Variants in SPSB4 observed in about 807,000 individuals in gnomAD.
The protein encoded by SPSB4 is SPRY domain-containing SOCS box protein 4.
In SPSB4, 21 loss-of-function variants were observed where a neutral mutation model predicts 20.9. The observed-to-expected ratio is 1.01, with a 90% CI of 0.71 to 1.45. SPSB4 has a LOEUF of 1.45. Ranked by LOEUF, SPSB4 falls within the 40% of genes most tolerant of loss-of-function variation. The pLI is 0.00. For synonymous variants in SPSB4, 207 were observed against 183.8 expected, an observed-to-expected ratio of 1.13 and a Z score of -1.02; for missense variants, 399 against 399.2, an observed-to-expected ratio of 1.00 and a Z score of 0.00.
At chr3:141,123,315 G>A (rs979405435) in intron 2 of SPSB4, among the ~76,000 whole-genome samples, 1 of 152,206 alleles carries the variant, frequency 6.6e-6, no homozygotes, top group African/African-American at 2.4e-5. Context: ...TGCCCCTTGT[G>A]TTGTCTCCGC....
At chr3:141,055,892 T>C (rs1937629610) in intron 1 of SPSB4, among the ~76,000 whole-genome samples, 1 of 152,202 alleles carries the variant, frequency 6.6e-6, no homozygotes, top group Non-Finnish European at 1.5e-5. Flanking sequence ...CAGGCAGGGC[T>C]GACCAGGGGC....
In SPSB4 at chr3:141,147,396, C is replaced by A. The variant is rs1325369314; in HGVS notation, c.*127C>A. 7.5e-6 allele frequency: 11 copies of A among 1,470,352 alleles called. No individual in the cohort carries two copies. The highest frequency in any genetic ancestry group is 2.0e-5 in the Admixed American group (1 of 49,776). 91.1% of individuals were successfully genotyped at this position (1,470,352 alleles called of 1,614,324 possible). A position where few individuals can be genotyped will look rare whatever the true frequency, so the allele number is the denominator to read the frequency against. ...TCCTGGCTCCCCAGGACACTCAGTTCTTTCAAAGACCAGGATGTGGTACCA... is the reference window on the plus strand; with the variant it reads ...TCCTGGCTCCCCAGGACACTCAGTTATTTCAAAGACCAGGATGTGGTACCA... On this transcript the variant is annotated 3_prime_UTR_variant, in exon 3 of 3. Coordinates refer to ENST00000310546, the MANE Select transcript of SPSB4 (RefSeq NM_080862.3).
rs1238721470 is a variant in SPSB4 at position 141,148,475 on chromosome 3, GA to G, written c.*1209del. On this transcript the variant is annotated 3_prime_UTR_variant, in exon 3 of 3. Coordinates refer to ENST00000310546, the MANE Select transcript of SPSB4 (RefSeq NM_080862.3). The surrounding 1 kb of genome is among the most constrained non-coding windows in gnomAD (Gnocchi z 4.5). ...CTCTGCCCAGACTCATTTTTAACTGGAAATCATCACAGCAGTGGGATATCAG... is the reference window on the plus strand; with the variant it reads ...CTCTGCCCAGACTCATTTTTAACTGGAATCATCACAGCAGTGGGATATCAG... 1.3e-5 allele frequency: 2 copies of G among 152,666 alleles called. No homozygotes were observed. The highest frequency in any genetic ancestry group is 2.4e-5 in the African/African-American group (1 of 41,420). 9.5% of individuals were successfully genotyped at this position (152,666 alleles called of 1,614,324 possible).
intron 1 of SPSB4, among the ~76,000 whole-genome samples, chr3:141,055,517 G>A (rs980858579): frequency 6.6e-6 from 1 of 152,138 alleles, no homozygotes; most frequent in African/African-American, 2.4e-5. Flanking sequence ...TGAAGAGATT[G>A]GTGGGTGTCT....
intron 2 of SPSB4, among the ~76,000 whole-genome samples, chr3:141,118,294 T>A (rs879858430): frequency 1.3e-5 from 2 of 152,244 alleles, no homozygotes; most frequent in Non-Finnish European, 2.9e-5. Context: ...AATGTCTTCT[T>A]TGGAGAAGTG....
At chr3:141,060,668 G>T (rs141167308) in intron 1 of SPSB4, among the ~76,000 whole-genome samples, 1 of 152,338 alleles carries the variant, frequency 6.6e-6, no homozygotes, top group African/African-American at 2.4e-5. Context: ...CAAAGGGTCT[G>T]TATATTTGCA....
intron 2 of SPSB4, among the ~76,000 whole-genome samples, chr3:141,087,330 C>T (rs887481136): frequency 4.6e-5 from 7 of 152,106 alleles, no homozygotes; most frequent in African/African-American, 1.7e-4. Flanking sequence ...GACAGTCTGA[C>T]GGAGCATGAT....
chr3:141,126,572 G>GT (rs1440163008), intron 2 of SPSB4, among the ~76,000 whole-genome samples: 4 of 152,322 alleles, frequency 2.6e-5, no homozygotes, highest in Admixed American at 2.6e-4. Context: ...TCTGCCCATT[G>GT]TATCAACCCC....
At chr3:141,069,467 G>C (rs1003153037) in intron 2 of SPSB4, among the ~76,000 whole-genome samples, 1 of 152,154 alleles carries the variant, frequency 6.6e-6, no homozygotes, top group Non-Finnish European at 1.5e-5. Flanking sequence ...AGTTAATGTC[G>C]GTTGTGGACA....
chr3:141,096,092 G>A (rs1039471058), intron 2 of SPSB4, among the ~76,000 whole-genome samples: 3 of 152,140 alleles, frequency 2.0e-5, no homozygotes, highest in African/African-American at 7.2e-5. Flanking sequence ...GTGGGGAAGA[G>A]CAGAGGTAGG....
intron 2 of SPSB4, among the ~76,000 whole-genome samples, chr3:141,083,157 G>A (rs535152958): frequency 9.8e-5 from 15 of 152,350 alleles, no homozygotes; most frequent in African/African-American, 3.4e-4. Flanking sequence ...GTTTTGCTGA[G>A]CTGTGTGACC....
chr3:141,121,720 T>G (rs1938969936), intron 2 of SPSB4, among the ~76,000 whole-genome samples: 1 of 152,234 alleles, frequency 6.6e-6, no homozygotes. Context: ...TTGAAGCTTG[T>G]GCATGTGTCA....
intron 2 of SPSB4, among the ~76,000 whole-genome samples, chr3:141,090,832 A>G (rs964771585): frequency 2.0e-5 from 3 of 152,216 alleles, no homozygotes; most frequent in African/African-American, 7.2e-5. Context: ...AGAAGTAAGG[A>G]GGCCAGCTAG....
At chr3:141,104,473 G>A (rs947762802) in intron 2 of SPSB4, among the ~76,000 whole-genome samples, 2 of 152,202 alleles carry the variant, frequency 1.3e-5, no homozygotes, top group African/African-American at 2.4e-5. Flanking sequence ...GCTTCTTTGA[G>A]GGCCTCCCAG....
At chr3:141,130,191 T>A (rs1037947779) in intron 2 of SPSB4, among the ~76,000 whole-genome samples, 2 of 152,172 alleles carry the variant, frequency 1.3e-5, no homozygotes, top group Non-Finnish European at 2.9e-5. Flanking sequence ...GATTGACACC[T>A]AACAGATGCA....
Position 141,066,578 on chromosome 3 carries a change from C to T in SPSB4, c.474C>T (p.Gly158=), listed in dbSNP as rs1937885511. ...RLYHDGKNQP[G]VAYPAFLGPD... Reference sequence around the variant, plus strand: ...ACCACGACGGCAAGAACCAGCCCGGCGTGGCCTACCCGGCCTTTCTGGGGC... The same window carrying T: ...ACCACGACGGCAAGAACCAGCCCGGTGTGGCCTACCCGGCCTTTCTGGGGC... The change falls in exon 2 of 3, where the codon GGC becomes GGT. Residue 158 remains glycine (G), a synonymous_variant. Transcript: ENST00000310546. The T allele has an allele frequency of 6.4e-7, 1 of 1,554,384 alleles. No homozygotes were observed. Among genetic ancestry groups the T allele is most frequent in the Non-Finnish European group, 8.7e-7 (1 of 1,150,498 alleles).
chr3:141,065,826 G>A, intron 1 of SPSB4, 126 bp from the exon 2 acceptor site: 1 of 423,198 alleles, frequency 2.4e-6, no homozygotes, highest in Non-Finnish European at 4.2e-6. Flanking sequence ...TGCCAGATAT[G>A]AGTGTACGAA....
chr3:141,079,614 T>C (rs1938188502), intron 2 of SPSB4, among the ~76,000 whole-genome samples: 1 of 152,184 alleles, frequency 6.6e-6, no homozygotes, highest in Non-Finnish European at 1.5e-5. Flanking sequence ...GTGCTGACCC[T>C]TAGCCGGAAG....
At chr3:141,137,137 T>C (rs1939242436) in intron 2 of SPSB4, among the ~76,000 whole-genome samples, 1 of 152,192 alleles carries the variant, frequency 6.6e-6, no homozygotes, top group Non-Finnish European at 1.5e-5. Context: ...TTTGGCTCTC[T>C]GTTTGTCTGT....
Sources: allele counts gnomAD v4.1 joint callset (sites outside exome capture counted in the v4.1 genomes callset), GRCh38; gene constraint gnomAD v4.1.1; non-coding constraint Gnocchi (gnomAD v3.1); transcripts MANE v1.5; gene names NCBI Gene and HGNC (gene_info 2026-07-23, HGNC 2026-07-21).